Variants in MALRD1 observed in about 807,000 individuals in gnomAD.
MALRD1 encodes the protein MAM and LDL-receptor class A domain-containing protein 1.
A neutral mutation model predicts 242.1 loss-of-function variants in MALRD1; 247 were observed. The ratio of observed to expected loss-of-function variants is 1.02; its 90% CI spans 0.92 to 1.13. MALRD1 has a LOEUF of 1.13. Ranked by LOEUF, MALRD1 falls within the 50% of genes most tolerant of loss-of-function variation. The pLI, the probability that MALRD1 is intolerant of heterozygous loss-of-function variation, is 0.00. For missense variants in MALRD1, 2,989 were observed against 2,533.1 expected (o/e 1.18, Z -3.86); for synonymous variants, 995 against 866.6 (o/e 1.15, Z -2.60).
intron 5 of MALRD1, among the ~76,000 whole-genome samples, chr10:19,116,601 C>T (rs767190623): frequency 1.3e-5 from 2 of 152,078 alleles, no homozygotes; most frequent in Non-Finnish European, 2.9e-5. Flanking sequence ...CTGAGAGAGT[C>T]GGGACAATTT....
At chr10:19,631,606 A>G (rs902394674) in intron 36 of MALRD1, among the ~76,000 whole-genome samples, 3 of 152,108 alleles carry the variant, frequency 2.0e-5, no homozygotes, top group African/African-American at 7.2e-5. Context: ...TTACACTCTC[A>G]TCAACAGTGT....
chr10:19,669,694 TA>T (rs1410635014), intron 36 of MALRD1, among the ~76,000 whole-genome samples: 1 of 151,924 alleles, frequency 6.6e-6, no homozygotes, highest in Non-Finnish European at 1.5e-5. Context: ...AGAAAAAAAT[TA>T]AAAAATAAGT....
intron 21 of MALRD1, among the ~76,000 whole-genome samples, chr10:19,318,342 A>G (rs2132017660): frequency 6.6e-6 from 1 of 152,052 alleles, no homozygotes; most frequent in African/African-American, 2.4e-5. Flanking sequence ...CATTTTTCAA[A>G]TTGATCTCCT....
At chr10:19,200,882 T>C (rs1836508633) in intron 14 of MALRD1, among the ~76,000 whole-genome samples, 1 of 152,050 alleles carries the variant, frequency 6.6e-6, no homozygotes, top group Admixed American at 6.6e-5. Context: ...CTTTTTAATC[T>C]ATAGCCATAG....
chr10:19,287,426 C>G (rs781605528), intron 21 of MALRD1, among the ~76,000 whole-genome samples: 5 of 152,024 alleles, frequency 3.3e-5, no homozygotes, highest in Non-Finnish European at 7.4e-5. Flanking sequence ...TATTTATACA[C>G]AGTTCTGTTT....
At chr10:19,606,534 T>G (rs1838635957) in intron 34 of MALRD1, among the ~76,000 whole-genome samples, 1 of 152,124 alleles carries the variant, frequency 6.6e-6, no homozygotes, top group Non-Finnish European at 1.5e-5. Context: ...ATCAATACCA[T>G]TATTATTTAG....
At chr10:19,148,756 T>A (rs1470224394) in intron 11 of MALRD1, among the ~76,000 whole-genome samples, 2 of 124,038 alleles carry the variant, frequency 1.6e-5, no homozygotes, top group Admixed American at 9.1e-5. Flanking sequence ...GTCTTTCTCA[T>A]TTTAGAAAGG....
intron 35 of MALRD1, 91 bp from the exon 36 acceptor site, chr10:19,615,766 T>C (rs1396813067): frequency 7.7e-6 from 8 of 1,033,836 alleles, no homozygotes; most frequent in Non-Finnish European, 9.7e-6. Flanking sequence ...TCTTAGAGAT[T>C]AGATTTAATG....
At chr10:19,191,331 C>G (rs1835966253) in intron 14 of MALRD1, among the ~76,000 whole-genome samples, 1 of 152,100 alleles carries the variant, frequency 6.6e-6, no homozygotes, top group Non-Finnish European at 1.5e-5. Flanking sequence ...AACAAAAAAC[C>G]AATCCAGAAG....
At chr10:19,184,665 C>G (rs1321237755) in intron 14 of MALRD1, among the ~76,000 whole-genome samples, 1 of 152,158 alleles carries the variant, frequency 6.6e-6, no homozygotes, top group East Asian at 1.9e-4. Flanking sequence ...TCTCCTGCCT[C>G]AGCCTCCCTA....
intron 36 of MALRD1, among the ~76,000 whole-genome samples, chr10:19,660,640 T>C (rs1426161959): frequency 6.6e-6 from 1 of 152,170 alleles, no homozygotes; most frequent in African/African-American, 2.4e-5. Context: ...TAAAGAGCGA[T>C]TGTCATCACT....
At chr10:19,146,782 C>G (rs1421764452) in intron 11 of MALRD1, among the ~76,000 whole-genome samples, 1 of 152,144 alleles carries the variant, frequency 6.6e-6, no homozygotes, top group Non-Finnish European at 1.5e-5. Flanking sequence ...TTTAATCAGT[C>G]TTCGGGCTTC....
At chr10:19,609,957 TATG>T (rs3069622) in intron 35 of MALRD1, among the ~76,000 whole-genome samples, 3 of 151,472 alleles carry the variant, frequency 2.0e-5, no homozygotes, top group African/African-American at 7.3e-5. Flanking sequence ...TGGTGGTGAT[TATG>T]ATGATGATGA....
chr10:19,332,239 G>A (rs539651796), intron 24 of MALRD1, among the ~76,000 whole-genome samples: 1 of 151,210 alleles, frequency 6.6e-6, no homozygotes, highest in South Asian at 2.1e-4. Flanking sequence ...TGCAGGACTG[G>A]TGAGCCTGCA....
intron 22 of MALRD1, 64 bp from the exon 23 acceptor site, chr10:19,327,499 C>A: frequency 1.6e-6 from 2 of 1,269,924 alleles, no homozygotes; most frequent in Non-Finnish European, 2.2e-6. Context: ...TGGAAGAATT[C>A]TACATGTTTG....
intron 7 of MALRD1, among the ~76,000 whole-genome samples, chr10:19,125,121 T>G (rs1034090064): frequency 3.3e-5 from 5 of 151,378 alleles, no homozygotes; most frequent in African/African-American, 1.2e-4. Flanking sequence ...AATTTTTGAA[T>G]TTTTAGTGGA....
At chr10:19,532,292 T>C (rs1481606862) in intron 32 of MALRD1, among the ~76,000 whole-genome samples, 1 of 152,160 alleles carries the variant, frequency 6.6e-6, no homozygotes, top group East Asian at 1.9e-4. Flanking sequence ...TCTTGCTCTG[T>C]CGCCCCGACT....
intron 29 of MALRD1, among the ~76,000 whole-genome samples, chr10:19,464,392 TG>T (rs1197392831): frequency 6.6e-6 from 1 of 152,190 alleles, no homozygotes; most frequent in African/African-American, 2.4e-5. Flanking sequence ...TTGTATAAGG[TG>T]AGAGATGAGG....
chr10:19,473,413 C>T (rs1436228236), intron 29 of MALRD1, among the ~76,000 whole-genome samples: 2 of 152,022 alleles, frequency 1.3e-5, no homozygotes, highest in Admixed American at 6.6e-5. Context: ...CCATCACCAT[C>T]ATCCATCTCC....
Sources: allele counts gnomAD v4.1 joint callset (sites outside exome capture counted in the v4.1 genomes callset), GRCh38; gene constraint gnomAD v4.1.1; transcripts MANE v1.5; gene names NCBI Gene and HGNC (gene_info 2026-07-23, HGNC 2026-07-21).